Variants in NCOA2 observed in about 807,000 individuals in gnomAD.
The protein encoded by NCOA2 is nuclear receptor coactivator 2.
In NCOA2, 21 loss-of-function variants were observed where a neutral mutation model predicts 145.1. The observed-to-expected ratio is 0.14, with a 90% CI of 0.10 to 0.21. NCOA2 has a LOEUF of 0.21. Among genes scored for constraint, NCOA2 ranks in the 10% least tolerant of loss-of-function variants. NCOA2 has a pLI of 1.00. For missense variants in NCOA2, 1,472 were observed against 1,837.6 expected, an observed-to-expected ratio of 0.80 and a Z score of 3.64; for synonymous variants, 619 against 637.5, an observed-to-expected ratio of 0.97 and a Z score of 0.44.
chr8:70,250,491 G>C (rs1206959108), intron 2 of NCOA2, among the ~76,000 whole-genome samples: 1 of 150,372 alleles, frequency 6.7e-6, no homozygotes, highest in Non-Finnish European at 1.5e-5. Flanking sequence ...GATCATTTGA[G>C]CCCAGGAGGC....
intron 2 of NCOA2, among the ~76,000 whole-genome samples, chr8:70,244,710 C>T (rs1307567029): frequency 2.6e-5 from 4 of 152,078 alleles, no homozygotes; most frequent in South Asian, 2.1e-4. Flanking sequence ...TAAGATTCTC[C>T]TCCTGAATTT....
At chr8:70,344,598 G>A (rs1253653941) in intron 1 of NCOA2, among the ~76,000 whole-genome samples, 1 of 152,192 alleles carries the variant, frequency 6.6e-6, no homozygotes, top group African/African-American at 2.4e-5. Context: ...GATTAATGGT[G>A]AGCTGTTTCT....
chr8:70,131,908 G>A lies in NCOA2; in HGVS notation c.3253C>T (p.Leu1085=). ...AGGCCATCAAAATTCCGCAAGGCCAGATACAGCTGGTCCAGGAGAGCTCCC... is the reference window on the plus strand; with the variant it reads ...AGGCCATCAAAATTCCGCAAGGCCAAATACAGCTGGTCCAGGAGAGCTCCC... ...DEGALLDQLY[L]ALRNFDGLEE... The change falls in exon 16 of 23, where the codon CTG becomes TTG. Residue 1085 remains leucine, a synonymous_variant. Transcript: ENST00000452400. 6.2e-7 allele frequency: 1 copy of A among 1,607,730 alleles called. No individual in the cohort carries two copies.
chr8:70,299,062 A>AAAACAAAC (rs940049805), intron 1 of NCOA2, among the ~76,000 whole-genome samples: 1 of 152,172 alleles, frequency 6.6e-6, no homozygotes, highest in African/African-American at 2.4e-5. Flanking sequence ...TCCAACTCAA[A>AAAACAAAC]AAACAAACAA....
At chr8:70,136,366 C>CA (rs1432931824) in intron 15 of NCOA2, among the ~76,000 whole-genome samples, 2 of 151,688 alleles carry the variant, frequency 1.3e-5, no homozygotes, top group Non-Finnish European at 2.9e-5. Flanking sequence ...TGTCTCAAAA[C>CA]AAAAAAACCA....
At chr8:70,370,498 CTTAT>C (rs542266353) in intron 1 of NCOA2, among the ~76,000 whole-genome samples, 106 of 152,174 alleles carry the variant, frequency 7.0e-4, no homozygotes, top group African/African-American at 2.4e-3. Flanking sequence ...CACACTGGGT[CTTAT>C]TTATTTATTC....
intron 9 of NCOA2, among the ~76,000 whole-genome samples, chr8:70,160,684 A>AGAGAGAGAGAGG (rs1291074864): frequency 2.6e-4 from 38 of 147,848 alleles, no homozygotes; most frequent in African/African-American, 8.7e-4. Flanking sequence ...AGAGAGAGGG[A>AGAGAGAGAGAGG]GAGAGAGAGA....
At chr8:70,170,628 A>G (rs1020533343) in intron 5 of NCOA2, among the ~76,000 whole-genome samples, 2 of 152,164 alleles carry the variant, frequency 1.3e-5, no homozygotes, top group East Asian at 1.9e-4. Flanking sequence ...TAAACGACCA[A>G]CACTAACTCC....
At chr8:70,211,280 G>A (rs973901749) in intron 4 of NCOA2, among the ~76,000 whole-genome samples, 25 of 152,062 alleles carry the variant, frequency 1.6e-4, no homozygotes, top group Non-Finnish European at 3.7e-4. Flanking sequence ...CCAACATGGT[G>A]AAACCCCTTC....
the NCOA2 span, among the ~76,000 whole-genome samples, chr8:70,442,144 AAAGAAAG>A: frequency 7.8e-6 from 1 of 128,410 alleles, no homozygotes; most frequent in South Asian, 2.7e-4. Context: ...AGAAAGAAAG[AAAGAAAG>A]AAAGAAAGAA....
chr8:70,226,066 G>A (rs1330057564), intron 2 of NCOA2, among the ~76,000 whole-genome samples: 1 of 151,716 alleles, frequency 6.6e-6, no homozygotes, highest in South Asian at 2.1e-4. Context: ...TAAATTGATG[G>A]TGAATTTGGA....
intron 5 of NCOA2, among the ~76,000 whole-genome samples, chr8:70,173,788 A>G (rs948346741): frequency 1.3e-5 from 2 of 151,466 alleles, no homozygotes; most frequent in African/African-American, 2.4e-5. Context: ...CCTGCCCCCA[A>G]TTTTATGGTA....
At chr8:70,129,138 T>C (rs1473463398) in intron 16 of NCOA2, among the ~76,000 whole-genome samples, 158 bp from the exon 17 acceptor site, 1 of 152,156 alleles carries the variant, frequency 6.6e-6, no homozygotes, top group Non-Finnish European at 1.5e-5. Context: ...TTGACTCCAC[T>C]TGTCTTTCTA....
intron 4 of NCOA2, among the ~76,000 whole-genome samples, chr8:70,203,261 C>CAAAA (rs34990647): frequency 8.2e-6 from 1 of 121,964 alleles, no homozygotes; most frequent in Non-Finnish European, 1.6e-5. Flanking sequence ...GACTCTGTCT[C>CAAAA]AAAAAAAAAA....
chr8:70,157,831 C>T (rs181645406), intron 10 of NCOA2, among the ~76,000 whole-genome samples: 12 of 152,306 alleles, frequency 7.9e-5, no homozygotes, highest in Admixed American at 7.8e-4. Context: ...CTCATCTCCT[C>T]ACCCCACACC....
chr8:70,195,081 T>C (rs1817130552), intron 4 of NCOA2, among the ~76,000 whole-genome samples: 1 of 152,162 alleles, frequency 6.6e-6, no homozygotes, highest in African/African-American at 2.4e-5. Flanking sequence ...ACAGGGAGTG[T>C]TGCAAGGCTG....
chr8:70,318,323 T>C (rs999380748), intron 1 of NCOA2, among the ~76,000 whole-genome samples: 15 of 152,246 alleles, frequency 9.9e-5, no homozygotes, highest in Non-Finnish European at 1.9e-4. Context: ...GGCTTCTGAA[T>C]GTTCTCCTAG....
At chr8:70,218,120 G>C (rs1819803701) in intron 2 of NCOA2, among the ~76,000 whole-genome samples, 1 of 151,416 alleles carries the variant, frequency 6.6e-6, no homozygotes, top group East Asian at 1.9e-4. Context: ...CTTCTTCCCT[G>C]TAATCTGGGC....
chr8:70,350,574 AT>A (rs1274510676), intron 1 of NCOA2, among the ~76,000 whole-genome samples: 4 of 152,204 alleles, frequency 2.6e-5, no homozygotes, highest in Non-Finnish European at 5.9e-5. Flanking sequence ...ATGAATAAAC[AT>A]TTCTCCTCCA....
Sources: allele counts gnomAD v4.1 joint callset (sites outside exome capture counted in the v4.1 genomes callset), GRCh38; gene constraint gnomAD v4.1.1; transcripts MANE v1.5; gene names NCBI Gene and HGNC (gene_info 2026-07-23, HGNC 2026-07-21).